PANX3: variants seen among roughly 807,000 people sequenced by gnomAD.
PANX3 encodes the protein pannexin 3, also known as pannexin-3.
A neutral mutation model predicts 31.5 loss-of-function variants in PANX3; 18 were observed. The observed-to-expected ratio is 0.57, with a 90% CI of 0.39 to 0.85. The LOEUF (loss-of-function observed/expected upper bound fraction) is 0.85, where lower values mean the gene tolerates loss of function less well. Among genes scored for constraint, PANX3 ranks in the 40% least tolerant of loss-of-function variants. The pLI is 0.00. For missense variants in PANX3, 426 were observed against 485.4 expected (o/e 0.88, Z 1.15); for synonymous variants, 194 against 201.6 (o/e 0.96, Z 0.32).
chr11:124,612,181 T>C (rs1294538596), intron 1 of PANX3, among the ~76,000 whole-genome samples: 1 of 152,126 alleles, frequency 6.6e-6, no homozygotes, highest in African/African-American at 2.4e-5. Context: ...GGTTATTGAC[T>C]TGAGAACATG....
Position 124,612,969 on chromosome 11 carries a change from TC to T in PANX3, c.182-9del, listed in dbSNP as rs769543271. On this transcript the variant is annotated splice_polypyrimidine_tract_variant and intron_variant, in intron 1 of 3. Transcript: ENST00000284288. ...AACTCAGGCGGCCTCAAAGCTGTGT[TC>T]CTGTTGCAGGGTCTCCGATCAGCTG... The T allele has an allele frequency of 1.3e-5, 21 of 1,613,510 alleles. No homozygotes were observed. The highest frequency in any genetic ancestry group is 1.8e-5 in the Non-Finnish European group (21 of 1,179,712).
chr11:124,616,889 T>A lies in PANX3; in HGVS notation c.325-385T>A. 6.6e-6 allele frequency among the ~76,000 whole-genome samples: 1 copy of A among 150,760 alleles called. No homozygotes were observed. The highest frequency in any genetic ancestry group is 2.1e-4 in the South Asian group (1 of 4,736). On this transcript the variant is annotated intron_variant, in intron 2 of 3. Transcript: ENST00000284288. The surrounding 1 kb of genome is among the most constrained non-coding windows in gnomAD (Gnocchi z 4.8). ...TAGGCAGATGGCTCTCTCTCTCCTTTTCTCTCTCTCTCTCTATATATCCCT... is the reference window on the plus strand; with the variant it reads ...TAGGCAGATGGCTCTCTCTCTCCTTATCTCTCTCTCTCTCTATATATCCCT...
chr11:124,614,345 G>A (rs1863128823), intron 2 of PANX3, among the ~76,000 whole-genome samples: 1 of 152,112 alleles, frequency 6.6e-6, no homozygotes, highest in Non-Finnish European at 1.5e-5. Flanking sequence ...TTGGCTCACT[G>A]CAACCTCTGC....
chr11:124,612,047 A>G (rs1358699613), intron 1 of PANX3, among the ~76,000 whole-genome samples: 2 of 151,292 alleles, frequency 1.3e-5, no homozygotes, highest in Non-Finnish European at 1.5e-5. Context: ...TTCATTATGG[A>G]TGAAAGAAGT....
In PANX3 at chr11:124,617,363, C is replaced by T. The variant is rs569437286; in HGVS notation, c.414C>T (p.Ser138=). The change falls in exon 3 of 4, where the codon TCC becomes TCT. Residue 138 remains serine (S), a synonymous_variant. Coordinates refer to ENST00000284288, the MANE Select transcript of PANX3 (RefSeq NM_052959.3). ...WQYAAVPALS[S]DLLFIISELD... ...ATGCAGCTGTGCCAGCCCTCAGCTC[C>T]GATCTGCTGTTCATCATCAGCGAAC... 1.4e-5 allele frequency: 22 copies of T among 1,613,610 alleles called. No homozygotes were observed. Among genetic ancestry groups the T allele is most frequent in the African/African-American group, 4.0e-5 (3 of 75,054 alleles).
chr11:124,620,167 G>C lies in PANX3; in HGVS notation c.*232G>C, dbSNP rs748218503. 1.9e-6 allele frequency: 1 copy of C among 525,886 alleles called. No individual in the cohort carries two copies. Among genetic ancestry groups the C allele is most frequent in the Non-Finnish European group, 3.3e-6 (1 of 304,136 alleles). 32.6% of individuals were successfully genotyped at this position (525,886 alleles called of 1,614,324 possible). A position where few individuals can be genotyped will look rare whatever the true frequency, so the allele number is the denominator to read the frequency against. On this transcript the variant is annotated 3_prime_UTR_variant, in exon 4 of 4. Coordinates refer to ENST00000284288, the MANE Select transcript of PANX3 (RefSeq NM_052959.3). ...AAGAGTCAAAGAGCTAAAAAATTAA[G>C]TCTAGAACATTCTATGAGGATAGTA...
chr11:124,619,257 G>A (rs779666435), intron 3 of PANX3, 39 bp from the exon 4 acceptor site: 3 of 1,575,838 alleles, frequency 1.9e-6, no homozygotes, highest in East Asian at 4.5e-5. Context: ...GGTTCTAAAT[G>A]GTCACTACTA....
At chr11:124,612,948 C>T in intron 1 of PANX3, 32 bp from the exon 2 acceptor site, 1 of 1,610,274 alleles carries the variant, frequency 6.2e-7, no homozygotes, top group Non-Finnish European at 8.5e-7. Flanking sequence ...CACTCCAACT[C>T]AGGCGGCCTC....
At chr11:124,612,283 C>T (rs949021778) in intron 1 of PANX3, among the ~76,000 whole-genome samples, 24 of 152,210 alleles carry the variant, frequency 1.6e-4, no homozygotes, top group African/African-American at 5.5e-4. Context: ...CAGACATTAG[C>T]ATACACATAC....
chr11:124,612,896 C>G, intron 1 of PANX3, 84 bp from the exon 2 acceptor site: 1 of 1,520,782 alleles, frequency 6.6e-7, no homozygotes, highest in Non-Finnish European at 9.0e-7. Flanking sequence ...GAAACAGAAA[C>G]TGGGGAAGAG....
intron 1 of PANX3, among the ~76,000 whole-genome samples, 153 bp from the exon 2 acceptor site, chr11:124,612,827 G>A (rs546591000): frequency 1.7e-3 from 254 of 152,270 alleles, no homozygotes; most frequent in Admixed American, 3.3e-3. Flanking sequence ...CTGTCCTACC[G>A]TGACATGGCA....
intron 1 of PANX3, among the ~76,000 whole-genome samples, chr11:124,612,657 G>A (rs979674851): frequency 6.6e-6 from 1 of 152,160 alleles, no homozygotes; most frequent in African/African-American, 2.4e-5. Flanking sequence ...AGTTATTTCA[G>A]GAAAGAGACA....
At chr11:124,613,226 T>C in intron 2 of PANX3, 104 bp downstream of exon 2, 1 of 1,339,776 alleles carries the variant, frequency 7.5e-7, no homozygotes, top group Non-Finnish European at 9.9e-7. Context: ...CCCTAACCCA[T>C]TTATTTTGGT....
rs1863165833 is a variant in PANX3, at chr11:124,617,390, G to A, written c.441G>A (p.Leu147=). 6.2e-7 allele frequency: 1 copy of A among 1,614,098 alleles called. No homozygotes were observed. Among genetic ancestry groups the A allele is most frequent in the Non-Finnish European group, 8.5e-7 (1 of 1,180,056 alleles). Residue 147 remains leucine, a synonymous_variant, in exon 3 of 4, where the codon CTG becomes CTA. Coordinates refer to ENST00000284288, the MANE Select transcript of PANX3 (RefSeq NM_052959.3). ...ATCTGCTGTTCATCATCAGCGAACT[G>A]GACAAATCTTATAATCGCTCCATCC... The part of the protein sequence containing the change: ...SSDLLFIISE[L]DKSYNRSIRL...
Position 124,619,760 on chromosome 11 carries a change from C to A in PANX3, c.1004C>A (p.Ala335Asp), listed in dbSNP as rs754182738. 6.2e-7 allele frequency: 1 copy of A among 1,614,182 alleles called. No individual in the cohort carries two copies. Among genetic ancestry groups the A allele is most frequent in the South Asian group, 1.1e-5 (1 of 91,082 alleles). ...AATGTGATCCTTCTTTTCCTCCGAG[C>A]TAACATCTCTGAGCTCATCTCTTTT... ...DLNVILLFLRANISELISFSW... is the reference protein window; with the variant it reads ...DLNVILLFLRDNISELISFSW... The change falls in exon 4 of 4, where the codon GCT (alanine) becomes GAT (aspartate). Residue 335 changes from alanine to aspartate, a missense_variant. By Grantham distance (126) the Ala-to-Asp change is moderately radical. Transcript: ENST00000284288.
chr11:124,617,512 T>C (rs773521308), intron 3 of PANX3, 24 bp downstream of exon 3: 7 of 1,603,938 alleles, frequency 4.4e-6, no homozygotes, highest in Non-Finnish European at 6.0e-6. Flanking sequence ...TCCACCTTTT[T>C]CTGAGAAATT....
Position 124,614,012 on chromosome 11 carries a change from C to T in PANX3, c.324+890C>T, listed in dbSNP as rs75826557. Among the ~76,000 whole-genome samples, 349 of 151,940 alleles carry T rather than the reference C, an allele frequency of 2.3e-3. 5 individuals are homozygous for T. In the East Asian group the frequency reaches 0.042, roughly 18 times the overall value. Reference sequence around the variant, plus strand: ...AGTGGTAACATGTATGTTTGATTCACGAGGTTTAGTCAGAAGACACTCGTA... The same window carrying T: ...AGTGGTAACATGTATGTTTGATTCATGAGGTTTAGTCAGAAGACACTCGTA... On this transcript the variant is annotated intron_variant, in intron 2 of 3. Transcript: ENST00000284288.
At chr11:124,617,982 T>C (rs1466213850) in intron 3 of PANX3, among the ~76,000 whole-genome samples, 1 of 152,226 alleles carries the variant, frequency 6.6e-6, no homozygotes, top group Non-Finnish European at 1.5e-5. Context: ...TCTGATACAT[T>C]CACTTGTATG....
In PANX3 at chr11:124,619,492, A is replaced by G. The variant is rs1454354807; in HGVS notation, c.736A>G (p.Thr246Ala). The G allele has an allele frequency of 6.2e-7, 1 of 1,614,064 alleles. No homozygotes were observed. The highest frequency in any genetic ancestry group is 2.2e-5 in the East Asian group (1 of 44,904). ...FQEEFSCSIK[T>A]GLLSDETHVP... Reference sequence around the variant, plus strand: ...GGAAGAATTCAGCTGCTCCATCAAGACAGGGCTGCTAAGTGATGAGACCCA... The same window carrying G: ...GGAAGAATTCAGCTGCTCCATCAAGGCAGGGCTGCTAAGTGATGAGACCCA... The change falls in exon 4 of 4, where the codon ACA (threonine) becomes GCA (alanine). Residue 246 changes from threonine (T) to alanine (A), a missense_variant. Physicochemically the swap from Thr to Ala is moderately conservative, Grantham distance 58 (BLOSUM62 0). Coordinates refer to ENST00000284288, the MANE Select transcript of PANX3 (RefSeq NM_052959.3).
Sources: allele counts gnomAD v4.1 joint callset (sites outside exome capture counted in the v4.1 genomes callset), GRCh38; gene constraint gnomAD v4.1.1; non-coding constraint Gnocchi (gnomAD v3.1); transcripts MANE v1.5; gene names NCBI Gene and HGNC (gene_info 2026-07-23, HGNC 2026-07-21).